SYNE1: variants seen among roughly 807,000 people sequenced by gnomAD.
The protein encoded by SYNE1 is spectrin repeat containing nuclear envelope protein 1, also known as nesprin-1.
SYNE1 carries 616 observed loss-of-function variants against 1,111.0 expected under a neutral mutation model. The ratio of observed to expected loss-of-function variants is 0.55; its 90% CI spans 0.52 to 0.59. SYNE1 has a LOEUF of 0.59. Ranked by LOEUF, SYNE1 falls within the 20% of genes least tolerant of loss-of-function variation. The probability of loss-of-function intolerance (pLI) is 0.00; values close to 1 mark genes in which losing one functional copy is unlikely to be tolerated. For missense variants in SYNE1, 10,006 were observed against 10,417.0 expected, an observed-to-expected ratio of 0.96 and a Z score of 1.72; for synonymous variants, 3,855 against 3,825.8, an observed-to-expected ratio of 1.01 and a Z score of -0.28.
Position 152,331,128 on chromosome 6 carries a change from T to C in SYNE1, c.13557A>G (p.Glu4519=). 6.2e-7 allele frequency: 1 copy of C among 1,614,200 alleles called. No individual in the cohort carries two copies. The highest frequency in any genetic ancestry group is 8.5e-7 in the Non-Finnish European group (1 of 1,180,040). ...EVTGLWAQGR[E]LMKEVTEQEK... is the part of the protein sequence containing the mutation. ...CCTGCTCTGTGACTTCCTTCATTAG[T>C]TCGCGACCCTGGGCCCAAAGTCCAG... Residue 4519 remains glutamate, a synonymous_variant, in exon 78 of 146, where the codon GAA becomes GAG. Transcript: ENST00000367255.
At chr6:152,568,160 T>G (rs538467209) in intron 3 of SYNE1, among the ~76,000 whole-genome samples, 59 of 151,856 alleles carry the variant, frequency 3.9e-4, no homozygotes, top group African/African-American at 1.4e-3. Flanking sequence ...TAAAAATAAC[T>G]AAAGAGGAAT....
intron 11 of SYNE1, among the ~76,000 whole-genome samples, chr6:152,496,128 CA>C (rs2098998154): frequency 1.3e-5 from 2 of 152,152 alleles, no homozygotes; most frequent in South Asian, 2.1e-4. Flanking sequence ...TCCTTACTCC[CA>C]AAATTCAATT....
intron 24 of SYNE1, 57 bp downstream of exon 24, chr6:152,455,369 C>A: frequency 6.4e-7 from 1 of 1,569,572 alleles, no homozygotes; most frequent in South Asian, 1.2e-5. Flanking sequence ...TTAAGCTTTC[C>A]TCCAAGGTTG....
intron 49 of SYNE1, among the ~76,000 whole-genome samples, chr6:152,397,522 GC>G (rs1025208086): frequency 6.6e-6 from 1 of 152,098 alleles, no homozygotes; most frequent in Admixed American, 6.5e-5. Flanking sequence ...TTTCCTTGTG[GC>G]GTTTGCTACA....
chr6:152,292,637 A>C (rs2094662242), intron 95 of SYNE1, among the ~76,000 whole-genome samples: 1 of 152,246 alleles, frequency 6.6e-6, no homozygotes, highest in Admixed American at 6.5e-5. Flanking sequence ...AAAACTAGAA[A>C]GATGTAAAGT....
chr6:152,168,365 T>C lies in SYNE1; in HGVS notation c.23628-4040A>G. On this transcript the variant is annotated intron_variant, in intron 130 of 145. Coordinates refer to ENST00000367255, the MANE Select transcript of SYNE1 (RefSeq NM_182961.4). ...TAACATGACACTGGGCAGTGACAAG[T>C]GGTCATGTTTCTAAATAAAACCTAC... 3 of 581,658 alleles carry C rather than the reference T, an allele frequency of 5.2e-6. No individual in the cohort carries two copies. The South Asian group carries it at 6.7e-5, about 13-fold the overall frequency. The allele number at this position is 581,658 out of a possible 1,614,324, so 36.0% of individuals were successfully genotyped here.
chr6:152,456,130 G>C, intron 22 of SYNE1, 86 bp from the exon 23 acceptor site: 2 of 1,427,124 alleles, frequency 1.4e-6, no homozygotes, highest in South Asian at 1.2e-5. Flanking sequence ...CAGATAATAA[G>C]AACAACATTA....
At chr6:152,520,099 T>G (rs1363045842) in intron 6 of SYNE1, among the ~76,000 whole-genome samples, 1 of 152,100 alleles carries the variant, frequency 6.6e-6, no homozygotes, top group Non-Finnish European at 1.5e-5. Context: ...ATGTAAGATG[T>G]GATACTAGAG....
intron 127 of SYNE1, among the ~76,000 whole-genome samples, chr6:152,201,090 C>A (rs1458875962): frequency 5.3e-5 from 8 of 152,172 alleles, no homozygotes; most frequent in Non-Finnish European, 8.8e-5. Context: ...AACACAAGGG[C>A]ATGTTTAATT....
rs1280606653 is a variant in SYNE1, at chr6:152,122,304, C to T, written c.*132G>A. On this transcript the variant is annotated 3_prime_UTR_variant, in exon 146 of 146. Coordinates refer to ENST00000367255, the MANE Select transcript of SYNE1 (RefSeq NM_182961.4). ...AAGCCATAATTTGCACACATGTGAT[C>T]TGGAGGAGGGCTAAAGCTGCCACAC... is the stretch of plus-strand genomic sequence containing the variant. 7.0e-7 allele frequency: 1 copy of T among 1,437,824 alleles called. No homozygotes were observed. The allele number at this position is 1,437,824 out of a possible 1,614,324, so 89.1% of individuals were successfully genotyped here. A position where few individuals can be genotyped will look rare whatever the true frequency, so the allele number is the denominator to read the frequency against.
At chr6:152,559,987 T>TATC (rs1481481297) in intron 3 of SYNE1, among the ~76,000 whole-genome samples, 1 of 152,168 alleles carries the variant, frequency 6.6e-6, no homozygotes, top group African/African-American at 2.4e-5. Flanking sequence ...AACAATTGTA[T>TATC]ATCAACAAAT....
chr6:152,603,180 T>A (rs1253333400), intron 3 of SYNE1, among the ~76,000 whole-genome samples: 1 of 152,106 alleles, frequency 6.6e-6, no homozygotes, highest in Non-Finnish European at 1.5e-5. Context: ...TCACTCTCAC[T>A]CACAGCACAA....
chr6:152,168,182 C>T, intron 130 of SYNE1: 1 of 773,160 alleles, frequency 1.3e-6, no homozygotes, highest in Non-Finnish European at 2.4e-6. Context: ...CCTCAGGGCA[C>T]TCAGGTCCTC....
intron 3 of SYNE1, among the ~76,000 whole-genome samples, chr6:152,603,718 C>T (rs904283100): frequency 2.0e-5 from 3 of 150,032 alleles, no homozygotes; most frequent in Admixed American, 6.7e-5. Context: ...ATATGTATAT[C>T]TATACATACA....
intron 39 of SYNE1, among the ~76,000 whole-genome samples, chr6:152,425,072 T>G (rs979842148): frequency 6.6e-6 from 1 of 152,176 alleles, no homozygotes; most frequent in African/African-American, 2.4e-5. Flanking sequence ...TTAGGTACCA[T>G]TTTTTTCCTA....
At chr6:152,234,512 C>A (rs910623102) in intron 111 of SYNE1, among the ~76,000 whole-genome samples, 156 bp downstream of exon 111, 1 of 152,098 alleles carries the variant, frequency 6.6e-6, no homozygotes, top group Non-Finnish European at 1.5e-5. Flanking sequence ...TCAGGCTGGT[C>A]CCGAACTCCT....
intron 3 of SYNE1, among the ~76,000 whole-genome samples, chr6:152,547,450 A>T (rs527768018): frequency 8.5e-5 from 13 of 152,318 alleles, no homozygotes; most frequent in African/African-American, 3.1e-4. Flanking sequence ...ACTTGAACTC[A>T]TGATTCTGGC....
intron 59 of SYNE1, 41 bp downstream of exon 59, chr6:152,372,996 C>T (rs2097214839): frequency 6.2e-7 from 1 of 1,601,552 alleles, no homozygotes; most frequent in East Asian, 2.2e-5. Context: ...ACAACAATAA[C>T]AAATAACACA....
intron 101 of SYNE1, among the ~76,000 whole-genome samples, chr6:152,258,014 C>T (rs1339547503): frequency 1.3e-5 from 2 of 152,090 alleles, no homozygotes; most frequent in African/African-American, 2.4e-5. Context: ...ATTCTTCTGG[C>T]ATCCATACAG....
Sources: gnomAD v4.1 joint callset for allele counts (sites outside exome capture counted in the v4.1 genomes callset) on GRCh38, gnomAD v4.1.1 for gene constraint, MANE v1.5 for transcripts, NCBI Gene and HGNC (gene_info 2026-07-23, HGNC 2026-07-21) for gene names.